Variants in KPNA4 observed in about 807,000 individuals in gnomAD.
KPNA4 encodes the protein karyopherin subunit alpha 4, also known as importin subunit alpha-3.
A neutral mutation model predicts 71.3 loss-of-function variants in KPNA4; 13 were observed. The ratio of observed to expected loss-of-function variants is 0.18; its 90% CI spans 0.12 to 0.29. The LOEUF is 0.29. KPNA4 is among the 10% of genes least tolerant of loss of function. KPNA4 has a pLI of 1.00. For synonymous variants in KPNA4, 189 were observed against 195.2 expected (o/e 0.97, Z 0.26); for missense variants, 334 against 603.2 (o/e 0.55, Z 4.67).
At chr3:160,524,255 CTAAA>C (rs1721419090) in intron 10 of KPNA4, among the ~76,000 whole-genome samples, 1 of 152,178 alleles carries the variant, frequency 6.6e-6, no homozygotes, top group Admixed American at 6.5e-5. Flanking sequence ...CAATCTATCT[CTAAA>C]TAAAGTCAAC....
At chr3:160,531,952 C>A (rs1220743250) in intron 5 of KPNA4, among the ~76,000 whole-genome samples, 1 of 152,128 alleles carries the variant, frequency 6.6e-6, no homozygotes. Context: ...GCCACCACAC[C>A]CAGCTATTTT....
chr3:160,561,312 C>A (rs1722241314), intron 1 of KPNA4, among the ~76,000 whole-genome samples: 1 of 151,980 alleles, frequency 6.6e-6, no homozygotes, highest in Non-Finnish European at 1.5e-5. Flanking sequence ...ATTATATGAG[C>A]TTAATTTACT....
intron 1 of KPNA4, among the ~76,000 whole-genome samples, chr3:160,544,685 G>C (rs1721870427): frequency 6.6e-6 from 1 of 152,188 alleles, no homozygotes; most frequent in South Asian, 2.1e-4. Context: ...AGAAGAGTAA[G>C]AGAAGAAATG....
chr3:160,542,039 C>T (rs964465862), intron 1 of KPNA4, among the ~76,000 whole-genome samples: 2 of 152,120 alleles, frequency 1.3e-5, no homozygotes, highest in African/African-American at 4.8e-5. Flanking sequence ...GACTGAACGG[C>T]AATCCATTTA....
intron 5 of KPNA4, among the ~76,000 whole-genome samples, chr3:160,532,071 C>T (rs1286168724): frequency 6.6e-6 from 1 of 152,222 alleles, no homozygotes. Context: ...GGATTACCGG[C>T]GTGAGCCACG....
intron 11 of KPNA4, among the ~76,000 whole-genome samples, 160 bp from the exon 12 acceptor site, chr3:160,515,740 G>T (rs1174253959): frequency 6.6e-6 from 1 of 151,754 alleles, no homozygotes; most frequent in Non-Finnish European, 1.5e-5. Context: ...CCAGCCTCCA[G>T]AGTATCTGGG....
In KPNA4 at chr3:160,499,104, C is replaced by T. The variant is rs139447318; in HGVS notation, c.*3000G>A. 7.2e-4 allele frequency: 110 copies of T among 152,188 alleles called. No homozygotes were observed. Among genetic ancestry groups the T allele is most frequent in the African/African-American group, 2.6e-3 (109 of 41,524 alleles). 9.4% of individuals were successfully genotyped at this position (152,188 alleles called of 1,614,324 possible). A position where few individuals can be genotyped will look rare whatever the true frequency, so the allele number is the denominator to read the frequency against. The stretch of plus-strand genomic sequence containing the variant: ...TAAGCCTAAACTAAATGATACACTC[C>T]CTCTCCCCAAAATTATTCTAGATCC... On this transcript the variant is annotated 3_prime_UTR_variant, in exon 17 of 17. Coordinates refer to ENST00000334256, the MANE Select transcript of KPNA4 (RefSeq NM_002268.5).
At chr3:160,543,397 G>C (rs1442462629) in intron 1 of KPNA4, among the ~76,000 whole-genome samples, 1 of 151,172 alleles carries the variant, frequency 6.6e-6, no homozygotes, top group Non-Finnish European at 1.5e-5. Context: ...CTGGAGTGCA[G>C]TGGCGCGACC....
intron 4 of KPNA4, 23 bp downstream of exon 4, chr3:160,535,638 G>A (rs368085125): frequency 2.0e-4 from 312 of 1,585,450 alleles, no homozygotes; most frequent in Non-Finnish European, 2.5e-4. Flanking sequence ...TGCAAATGAA[G>A]AGAGGGAAAA....
At chr3:160,536,330 A>C (rs1237183741) in intron 2 of KPNA4, among the ~76,000 whole-genome samples, 1 of 152,120 alleles carries the variant, frequency 6.6e-6, no homozygotes, top group Admixed American at 6.5e-5. Flanking sequence ...AAAACCAACA[A>C]TGTCTTACAA....
chr3:160,506,463 G>C (rs1720986128), intron 15 of KPNA4, among the ~76,000 whole-genome samples: 1 of 152,130 alleles, frequency 6.6e-6, no homozygotes, highest in Non-Finnish European at 1.5e-5. Context: ...GAGCCACTGT[G>C]CCCGGCCATA....
intron 5 of KPNA4, among the ~76,000 whole-genome samples, chr3:160,533,465 C>A (rs1340829048): frequency 4.9e-4 from 72 of 147,268 alleles, no homozygotes; most frequent in Non-Finnish European, 7.0e-4. Context: ...AAAAAAAAAA[C>A]CACTTCGAAG....
intron 13 of KPNA4, among the ~76,000 whole-genome samples, chr3:160,511,021 C>T (rs749159761): frequency 4.6e-5 from 7 of 151,946 alleles, no homozygotes; most frequent in Non-Finnish European, 1.0e-4. Context: ...GAACTCCTGA[C>T]CTCAAGTGAT....
chr3:160,541,511 G>A (rs1212058586), intron 1 of KPNA4, among the ~76,000 whole-genome samples: 1 of 151,982 alleles, frequency 6.6e-6, no homozygotes, highest in Non-Finnish European at 1.5e-5. Context: ...TCTGTGTGGT[G>A]ACTAGGATAT....
chr3:160,531,677 G>C, intron 5 of KPNA4, 120 bp from the exon 6 acceptor site: 1 of 457,972 alleles, frequency 2.2e-6, no homozygotes, highest in Admixed American at 3.9e-5. Flanking sequence ...TGCCTTCTCT[G>C]AAATTAACAA....
rs367554028 is a variant in KPNA4 at position 160,500,480 on chromosome 3, A to G, written c.*1624T>C. ...TTGTTCATGCAACACTTGTGCTCAA[A>G]GGGGAAGGCACAGGATTTCCTACAA... On this transcript the variant is annotated 3_prime_UTR_variant, in exon 17 of 17. Transcript: ENST00000334256. 1.3e-5 allele frequency: 2 copies of G among 152,620 alleles called. No individual in the cohort carries two copies. The highest frequency in any genetic ancestry group is 2.4e-5 in the African/African-American group (1 of 41,452). The allele number at this position is 152,620 out of a possible 1,614,324, so 9.5% of individuals were successfully genotyped here.
At position 160,515,437 on chromosome 3, in the gene KPNA4, T is replaced by C. The variant is rs199644392; in HGVS notation, c.1032+15A>G. The C allele has an allele frequency of 6.9e-6, 11 of 1,594,316 alleles. No individual in the cohort carries two copies. In the East Asian group the frequency reaches 2.5e-4, roughly 36 times the overall value. On this transcript the variant is annotated intron_variant, in intron 12 of 16. Transcript: ENST00000334256. ...TTTAAGTGCTATCTATTAAGTAGTA[T>C]TTAATAGTACTTACTTTATTAATTT...
intron 5 of KPNA4, among the ~76,000 whole-genome samples, chr3:160,534,882 C>G (rs1394794505): frequency 3.3e-5 from 5 of 151,484 alleles, no homozygotes; most frequent in African/African-American, 1.2e-4. Context: ...CACAACCATG[C>G]TGGGCTAATT....
At chr3:160,557,370 TA>T (rs1445952047) in intron 1 of KPNA4, among the ~76,000 whole-genome samples, 4 of 152,098 alleles carry the variant, frequency 2.6e-5, no homozygotes, top group African/African-American at 9.7e-5. Flanking sequence ...TTAAAAAACA[TA>T]AAGAGTAGAT....
Sources: allele counts gnomAD v4.1 joint callset (sites outside exome capture counted in the v4.1 genomes callset), GRCh38; gene constraint gnomAD v4.1.1; transcripts MANE v1.5; gene names NCBI Gene and HGNC (gene_info 2026-07-23, HGNC 2026-07-21).